Variants in ARHGEF28 observed in about 807,000 individuals in gnomAD.
ARHGEF28 encodes the protein Rho guanine nucleotide exchange factor 28.
Under a neutral mutation model 206.6 loss-of-function variants are expected in ARHGEF28, and 152 were observed. The ratio of observed to expected loss-of-function variants is 0.74; its 90% CI spans 0.64 to 0.84. The LOEUF (loss-of-function observed/expected upper bound fraction) is 0.84, where lower values mean the gene tolerates loss of function less well. ARHGEF28 is among the 40% of genes least tolerant of loss of function. The probability of loss-of-function intolerance (pLI) is 0.00; values close to 1 mark genes in which losing one functional copy is unlikely to be tolerated. For missense variants in ARHGEF28, 2,028 were observed against 2,073.2 expected (o/e 0.98, Z 0.42); for synonymous variants, 763 against 776.4 (o/e 0.98, Z 0.29).
Position 73,868,191 on chromosome 5 carries a change from G to A in ARHGEF28, c.2389G>A (p.Gly797Ser). ...SHSDELLQSM[G>S]SSPSTESFIM... ...TTCTGATGAGCTGCTACAGTCCATG[G>A]GCTCTTCTCCCTCTACAGAGTCTTT... Residue 797 changes from glycine (G) to serine (S), a missense_variant, in exon 20 of 36, where the codon GGC becomes AGC. This residue lies in a region of ARHGEF28 where 1,002 missense variants were observed against 1,015.3 expected (regional missense o/e 0.99). Transcript: ENST00000513042. The A allele has an allele frequency of 6.3e-7, 1 of 1,597,306 alleles. No homozygotes were observed. Among genetic ancestry groups the A allele is most frequent in the Non-Finnish European group, 8.5e-7 (1 of 1,171,196 alleles).
chr5:73,790,412 A>C (rs1754411759), intron 7 of ARHGEF28, among the ~76,000 whole-genome samples: 1 of 152,214 alleles, frequency 6.6e-6, no homozygotes, highest in Non-Finnish European at 1.5e-5. Flanking sequence ...TTCTGAAACA[A>C]TATAGAATAG....
intron 2 of ARHGEF28, among the ~76,000 whole-genome samples, chr5:73,745,587 G>A (rs935072884): frequency 5.9e-5 from 9 of 152,008 alleles, no homozygotes; most frequent in South Asian, 4.1e-4. Context: ...GATTCTTTGT[G>A]TGTATTTATA....
chr5:73,631,438 C>CTTTTT (rs1223952177), intron 1 of ARHGEF28, among the ~76,000 whole-genome samples: 1 of 152,176 alleles, frequency 6.6e-6, no homozygotes, highest in Non-Finnish European at 1.5e-5. Flanking sequence ...ATTAATGAGA[C>CTTTTT]TACTGACTAT....
chr5:73,871,968 T>A (rs1026994178), intron 21 of ARHGEF28, among the ~76,000 whole-genome samples: 1 of 152,218 alleles, frequency 6.6e-6, no homozygotes, highest in African/African-American at 2.4e-5. Context: ...ATATCCTATT[T>A]TGTTTTCCTA....
chr5:73,688,387 A>G (rs1398665021), intron 2 of ARHGEF28, among the ~76,000 whole-genome samples: 1 of 152,116 alleles, frequency 6.6e-6, no homozygotes, highest in African/African-American at 2.4e-5. Context: ...TAACATTTTT[A>G]TGGCTAAAAT....
chr5:73,804,703 T>C (rs1175523913), intron 9 of ARHGEF28, among the ~76,000 whole-genome samples: 1 of 125,622 alleles, frequency 8.0e-6, no homozygotes, highest in Admixed American at 7.6e-5. Flanking sequence ...TTTTTTCTGA[T>C]TTTTTTTTCA....
At chr5:73,840,156 A>T (rs1170251794) in intron 10 of ARHGEF28, among the ~76,000 whole-genome samples, 1 of 152,182 alleles carries the variant, frequency 6.6e-6, no homozygotes, top group Non-Finnish European at 1.5e-5. Flanking sequence ...TCACTCTGTA[A>T]CCCAGGCTAG....
chr5:73,838,608 A>C (rs1353016445), intron 10 of ARHGEF28, among the ~76,000 whole-genome samples: 1 of 152,222 alleles, frequency 6.6e-6, no homozygotes, highest in Non-Finnish European at 1.5e-5. Context: ...ATATTTTACT[A>C]CATTTTACAT....
At chr5:73,889,154 A>G (rs985134352) in intron 26 of ARHGEF28, among the ~76,000 whole-genome samples, 2 of 152,192 alleles carry the variant, frequency 1.3e-5, no homozygotes, top group Non-Finnish European at 2.9e-5. Flanking sequence ...AGATATCTGG[A>G]TTTCCTAGCT....
At chr5:73,842,868 A>G (rs1308159425) in intron 11 of ARHGEF28, among the ~76,000 whole-genome samples, 1 of 151,892 alleles carries the variant, frequency 6.6e-6, no homozygotes, top group South Asian at 2.1e-4. Flanking sequence ...CTCTAATCCC[A>G]TCTACTCAGG....
At chr5:73,771,653 G>A (rs1377446710) in intron 4 of ARHGEF28, among the ~76,000 whole-genome samples, 5 of 151,996 alleles carry the variant, frequency 3.3e-5, no homozygotes, top group African/African-American at 7.3e-5. Context: ...GTGTGCATAT[G>A]TATATTTGTT....
intron 2 of ARHGEF28, among the ~76,000 whole-genome samples, chr5:73,745,306 G>C (rs1751664468): frequency 6.6e-6 from 1 of 152,032 alleles, no homozygotes; most frequent in Non-Finnish European, 1.5e-5. Flanking sequence ...CAAGGTATTA[G>C]AGACATAGAT....
chr5:73,801,262 T>C (rs146142286), intron 9 of ARHGEF28, among the ~76,000 whole-genome samples: 4,250 of 151,738 alleles, frequency 0.028, 205 homozygotes, highest in African/African-American at 0.097. Context: ...CTGGCTAACA[T>C]GGTGAAACCC....
intron 2 of ARHGEF28, among the ~76,000 whole-genome samples, chr5:73,698,162 T>G (rs917617210): frequency 8.5e-5 from 13 of 152,096 alleles, no homozygotes; most frequent in African/African-American, 3.1e-4. Context: ...CTTATCCAGG[T>G]CCTGAAAATG....
intron 9 of ARHGEF28, among the ~76,000 whole-genome samples, chr5:73,818,739 CAAAT>C (rs1756388808): frequency 6.6e-6 from 1 of 152,154 alleles, no homozygotes; most frequent in African/African-American, 2.4e-5. Context: ...TTTAGTTAAA[CAAAT>C]ACTTTGCCAA....
chr5:73,812,689 C>G (rs1755915406), intron 9 of ARHGEF28, among the ~76,000 whole-genome samples: 1 of 152,032 alleles, frequency 6.6e-6, no homozygotes, highest in Non-Finnish European at 1.5e-5. Context: ...ACGGCAAGAA[C>G]TGTTGGTTTG....
In ARHGEF28 at chr5:73,911,559, G is replaced by A; in HGVS notation, c.4932G>A (p.Lys1644=). Residue 1644 remains lysine, a synonymous_variant, in exon 35 of 36, where the codon AAG becomes AAA. Transcript: ENST00000513042. ...HQILPFHESS[K]DSCKNDLDTS... Reference sequence around the variant, plus strand: ...TACTTCCTTTCCATGAAAGCAGCAAGGATTCTTGTAAAAATGGTAATTAAC... The same window carrying A: ...TACTTCCTTTCCATGAAAGCAGCAAAGATTCTTGTAAAAATGGTAATTAAC... 4 of 1,603,360 alleles carry A rather than the reference G, an allele frequency of 2.5e-6. No individual in the cohort carries two copies. The highest frequency in any genetic ancestry group is 3.4e-6 in the Non-Finnish European group (4 of 1,173,862).
At position 73,864,841 on chromosome 5, in the gene ARHGEF28, G is replaced by A. The variant is rs778151208; in HGVS notation, c.2072G>A (p.Gly691Asp). The change falls in exon 17 of 36, where the codon GGT becomes GAT. Residue 691 changes from glycine (G) to aspartate (D), a missense_variant. Around this residue, in one of 3 missense-constraint regions of ARHGEF28, gnomAD observed 1,002 missense variants for 1,015.3 expected, o/e 0.99. Coordinates refer to ENST00000513042, the MANE Select transcript of ARHGEF28 (RefSeq NM_001177693.2). ...GACTGTAATGCAAATGTGCACAAAGGTTGTAAAGATGCTGCGCCTGCATGC... is the reference window on the plus strand; with the variant it reads ...GACTGTAATGCAAATGTGCACAAAGATTGTAAAGATGCTGCGCCTGCATGC... ...CSNCNANVHKGCKDAAPACTK... is the reference protein window; with the variant it reads ...CSNCNANVHKDCKDAAPACTK... The A allele has an allele frequency of 2.5e-6, 4 of 1,613,086 alleles. No homozygotes were observed. The South Asian group carries it at 4.4e-5, about 18-fold the overall frequency.
chr5:73,663,109 C>T lies in ARHGEF28; in HGVS notation c.-11-21732C>T, dbSNP rs186222180. On this transcript the variant is annotated intron_variant, in intron 1 of 35. Transcript: ENST00000513042. The stretch of plus-strand genomic sequence containing the variant: ...TAGCTGGGATTACAGGTGCACACCA[C>T]CACACCTGGCTAATTTTTGTAATTT... 5.5e-3 allele frequency among the ~76,000 whole-genome samples: 844 copies of T among 152,270 alleles called. 10 individuals carry two copies. The highest frequency in any genetic ancestry group is 0.019 in the African/African-American group (780 of 41,544).
Sources: allele counts gnomAD v4.1 joint callset (sites outside exome capture counted in the v4.1 genomes callset), GRCh38; gene constraint gnomAD v4.1.1; regional missense constraint gnomAD v4.1.1; transcripts MANE v1.5; gene names NCBI Gene and HGNC (gene_info 2026-07-23, HGNC 2026-07-21).